Variants in CSMD1 observed in about 807,000 individuals in gnomAD.
CSMD1 encodes CUB and Sushi multiple domains 1.
A neutral mutation model predicts 417.5 loss-of-function variants in CSMD1; 213 were observed. That is an observed-to-expected ratio of 0.51 (90% CI 0.46 to 0.57). The LOEUF is 0.57. CSMD1 is among the 20% of genes least tolerant of loss of function. The pLI is 0.00. For missense variants in CSMD1, 6,923 were observed against 4,529.7 expected (o/e 1.53, Z -15.17); for synonymous variants, 2,862 against 1,736.8 (o/e 1.65, Z -16.11).
At chr8:4,178,562 T>C (rs1426014324) in intron 3 of CSMD1, among the ~76,000 whole-genome samples, 19 of 151,154 alleles carry the variant, frequency 1.3e-4, no homozygotes, top group Non-Finnish European at 2.4e-4. Flanking sequence ...TTCAACATAG[T>C]GTTGGAAGTT....
At chr8:4,206,082 G>T (rs1325711094) in intron 3 of CSMD1, among the ~76,000 whole-genome samples, 1 of 152,138 alleles carries the variant, frequency 6.6e-6, no homozygotes, top group African/African-American at 2.4e-5. Flanking sequence ...TCAAAGGACA[G>T]AAAGTGAGTA....
intron 3 of CSMD1, among the ~76,000 whole-genome samples, chr8:4,215,613 T>C (rs188312196): frequency 1.3e-5 from 2 of 152,170 alleles, no homozygotes; most frequent in African/African-American, 4.8e-5. Flanking sequence ...AAAAACATGT[T>C]TACTTTGAAC....
intron 5 of CSMD1, among the ~76,000 whole-genome samples, chr8:3,755,147 T>A (rs1005231764): frequency 6.6e-6 from 1 of 152,186 alleles, no homozygotes; most frequent in Non-Finnish European, 1.5e-5. Context: ...TCCTGCCCGT[T>A]AGAGGCGCAA....
At chr8:4,371,290 G>C (rs1445363716) in intron 3 of CSMD1, among the ~76,000 whole-genome samples, 4 of 152,038 alleles carry the variant, frequency 2.6e-5, no homozygotes, top group African/African-American at 7.3e-5. Context: ...GCCTCTGCTG[G>C]GCTGGAGAGG....
chr8:4,062,649 T>C (rs1799036536), intron 3 of CSMD1, among the ~76,000 whole-genome samples: 1 of 151,978 alleles, frequency 6.6e-6, no homozygotes, highest in South Asian at 2.1e-4. Flanking sequence ...AATTCAGTAG[T>C]CACGTGCAGA....
At chr8:4,824,091 C>G (rs943527198) in intron 1 of CSMD1, among the ~76,000 whole-genome samples, 1 of 151,500 alleles carries the variant, frequency 6.6e-6, no homozygotes, top group Non-Finnish European at 1.5e-5. Context: ...TCCACACACA[C>G]ACACACACAC....
intron 1 of CSMD1, among the ~76,000 whole-genome samples, chr8:4,651,632 C>A (rs1199728865): frequency 6.6e-6 from 1 of 152,150 alleles, no homozygotes; most frequent in Non-Finnish European, 1.5e-5. Flanking sequence ...TCATAAGATC[C>A]TTACACATCT....
At chr8:3,897,035 T>C (rs1480181083) in intron 5 of CSMD1, among the ~76,000 whole-genome samples, 1 of 152,060 alleles carries the variant, frequency 6.6e-6, no homozygotes, top group Non-Finnish European at 1.5e-5. Flanking sequence ...CTGGATCTAA[T>C]TTTTGTCTTT....
intron 46 of CSMD1, among the ~76,000 whole-genome samples, chr8:3,101,841 G>A (rs536685155): frequency 8.8e-5 from 11 of 124,896 alleles, no homozygotes; most frequent in East Asian, 2.3e-4. Flanking sequence ...TTGCTCTGTC[G>A]CTCAGGCTGG....
At chr8:3,749,655 G>A (rs879470592) in intron 6 of CSMD1, among the ~76,000 whole-genome samples, 4 of 152,096 alleles carry the variant, frequency 2.6e-5, no homozygotes, top group Admixed American at 6.6e-5. Flanking sequence ...ATCATACGCT[G>A]GAAAACAAAG....
rs550764658 is a variant in CSMD1 at position 4,569,235 on chromosome 8, T to A, written c.302+68107A>T. ...TCTTTGCCCATGCCTATGTCCTGAA[T>A]GGTATTGCCTAGGTTTTCTTCTAGG... On this transcript the variant is annotated intron_variant, in intron 2 of 69. Coordinates refer to ENST00000635120, the MANE Select transcript of CSMD1 (RefSeq NM_033225.6). 1.7e-3 allele frequency among the ~76,000 whole-genome samples: 254 copies of A among 152,344 alleles called. 1 individual carries two copies. The highest frequency in any genetic ancestry group is 5.9e-3 in the African/African-American group (245 of 41,582).
chr8:3,725,120 G>A (rs1055796725), intron 6 of CSMD1, among the ~76,000 whole-genome samples: 1 of 152,314 alleles, frequency 6.6e-6, no homozygotes, highest in East Asian at 1.9e-4. Flanking sequence ...TTCAGCAAAG[G>A]AGGTAGACAC....
intron 4 of CSMD1, among the ~76,000 whole-genome samples, chr8:4,026,415 G>C (rs753707778): frequency 6.6e-6 from 1 of 152,178 alleles, no homozygotes; most frequent in African/African-American, 2.4e-5. Context: ...TGGCAGCATA[G>C]GAAAGACACT....
chr8:3,273,911 T>C (rs201296066), intron 26 of CSMD1, among the ~76,000 whole-genome samples: 1 of 152,174 alleles, frequency 6.6e-6, no homozygotes, highest in Non-Finnish European at 1.5e-5. Flanking sequence ...GAAGGGTTTT[T>C]TGTGTCTCTA....
At chr8:3,252,213 C>A (rs1479176837) in intron 26 of CSMD1, among the ~76,000 whole-genome samples, 1 of 152,058 alleles carries the variant, frequency 6.6e-6, no homozygotes, top group Non-Finnish European at 1.5e-5. Context: ...ATAGATAGCT[C>A]TTATTATTTT....
At chr8:3,869,423 C>T (rs1356244893) in intron 5 of CSMD1, among the ~76,000 whole-genome samples, 1 of 152,120 alleles carries the variant, frequency 6.6e-6, no homozygotes, top group Admixed American at 6.6e-5. Flanking sequence ...TCCTTTTCTC[C>T]AATCCTGTCC....
chr8:3,279,878 C>T (rs557849964), intron 26 of CSMD1, among the ~76,000 whole-genome samples: 5 of 152,296 alleles, frequency 3.3e-5, no homozygotes, highest in Non-Finnish European at 5.9e-5. Context: ...ATGATCCAAC[C>T]ACCTCCACCT....
intron 5 of CSMD1, among the ~76,000 whole-genome samples, chr8:3,979,200 C>G (rs1454514524): frequency 1.3e-5 from 2 of 152,182 alleles, no homozygotes; most frequent in Non-Finnish European, 2.9e-5. Context: ...ACAGGGACAG[C>G]CAAATCTCAA....
At chr8:3,600,152 G>T (rs1235487374) in intron 8 of CSMD1, among the ~76,000 whole-genome samples, 1 of 152,168 alleles carries the variant, frequency 6.6e-6, no homozygotes, top group African/African-American at 2.4e-5. Context: ...ACTGCAGGTG[G>T]CATCAGCAAG....
Sources: allele counts gnomAD v4.1 joint callset (sites outside exome capture counted in the v4.1 genomes callset), GRCh38; gene constraint gnomAD v4.1.1; transcripts MANE v1.5; gene names NCBI Gene and HGNC (gene_info 2026-07-23, HGNC 2026-07-21).